CHRM3: variants seen among roughly 807,000 people sequenced by gnomAD.
The protein encoded by CHRM3 is cholinergic receptor muscarinic 3.
A neutral mutation model predicts 41.8 loss-of-function variants in CHRM3; 11 were observed. The ratio of observed to expected loss-of-function variants is 0.26; its 90% CI spans 0.17 to 0.44. The LOEUF (loss-of-function observed/expected upper bound fraction) is 0.44. Among genes scored for constraint, CHRM3 ranks in the 20% least tolerant of loss-of-function variants. The probability of loss-of-function intolerance (pLI) is 1.00; values close to 1 mark genes in which losing one functional copy is unlikely to be tolerated. For missense variants in CHRM3, 571 were observed against 745.4 expected (o/e 0.77, Z 2.72); for synonymous variants, 297 against 301.4 (o/e 0.99, Z 0.15).
chr1:239,872,390 A>G (rs1319962790), intron 6 of CHRM3, among the ~76,000 whole-genome samples: 1 of 152,234 alleles, frequency 6.6e-6, no homozygotes, highest in East Asian at 1.9e-4. Context: ...AATTATACCC[A>G]ACAGACCTGT....
chr1:239,720,725 G>A (rs1322833164), intron 5 of CHRM3, among the ~76,000 whole-genome samples: 1 of 151,880 alleles, frequency 6.6e-6, no homozygotes, highest in Non-Finnish European at 1.5e-5. Flanking sequence ...TTAACGAGAA[G>A]ACAAAGTCTT....
At chr1:239,518,516 A>G (rs894795323) in intron 2 of CHRM3, among the ~76,000 whole-genome samples, 2 of 152,234 alleles carry the variant, frequency 1.3e-5, no homozygotes, top group African/African-American at 4.8e-5. Context: ...AAATATGACC[A>G]AAGGTAGACA....
intron 2 of CHRM3, among the ~76,000 whole-genome samples, chr1:239,520,045 G>A (rs1669538469): frequency 6.6e-6 from 1 of 152,026 alleles, no homozygotes; most frequent in Non-Finnish European, 1.5e-5. Context: ...TCACTTTTCT[G>A]TCTCCTAAGG....
chr1:239,672,133 C>T (rs1484670258), intron 4 of CHRM3, among the ~76,000 whole-genome samples: 1 of 152,152 alleles, frequency 6.6e-6, no homozygotes, highest in Non-Finnish European at 1.5e-5. Context: ...GAAGTTCAGC[C>T]TGTCAGTCAG....
At chr1:239,902,379 G>A (rs1007198300) in intron 6 of CHRM3, among the ~76,000 whole-genome samples, 1 of 152,090 alleles carries the variant, frequency 6.6e-6, no homozygotes, top group African/African-American at 2.4e-5. Context: ...TACATCTCCT[G>A]GGCCAACCCA....
intron 1 of CHRM3, among the ~76,000 whole-genome samples, chr1:239,419,499 G>A (rs1363329617): frequency 1.3e-5 from 2 of 151,584 alleles, no homozygotes; most frequent in African/African-American, 2.4e-5. Context: ...GTGACAATAT[G>A]TACAATTGGA....
intron 5 of CHRM3, among the ~76,000 whole-genome samples, chr1:239,789,033 G>T (rs992863486): frequency 6.6e-6 from 1 of 152,148 alleles, no homozygotes; most frequent in East Asian, 1.9e-4. Context: ...TCCTGGTCAG[G>T]CGTCTTTTCT....
intron 4 of CHRM3, among the ~76,000 whole-genome samples, chr1:239,665,636 C>T (rs1673714095): frequency 6.6e-6 from 1 of 152,132 alleles, no homozygotes; most frequent in South Asian, 2.1e-4. Flanking sequence ...CCATCATCTA[C>T]ATTAGGTATT....
At chr1:239,871,456 G>T (rs1470233194) in intron 6 of CHRM3, among the ~76,000 whole-genome samples, 1 of 152,046 alleles carries the variant, frequency 6.6e-6, no homozygotes, top group Non-Finnish European at 1.5e-5. Flanking sequence ...TGGCCAGGAT[G>T]ATCTCGATCT....
intron 1 of CHRM3, among the ~76,000 whole-genome samples, chr1:239,455,976 G>T (rs1664902771): frequency 6.6e-6 from 1 of 152,068 alleles, no homozygotes; most frequent in Non-Finnish European, 1.5e-5. Context: ...GGAAATGGGA[G>T]GTCAGCCTCA....
intron 4 of CHRM3, among the ~76,000 whole-genome samples, chr1:239,674,934 ACTC>A (rs1657837292): frequency 1.3e-5 from 2 of 151,632 alleles, no homozygotes; most frequent in African/African-American, 4.9e-5. Flanking sequence ...GGAAATTATT[ACTC>A]CTCCTCGCTG....
At chr1:239,588,056 G>T (rs1012617926) in intron 3 of CHRM3, among the ~76,000 whole-genome samples, 2 of 152,132 alleles carry the variant, frequency 1.3e-5, no homozygotes, top group African/African-American at 4.8e-5. Flanking sequence ...CTAATTCAAA[G>T]CATGTAGCAT....
At chr1:239,736,734 G>A (rs562718938) in intron 5 of CHRM3, among the ~76,000 whole-genome samples, 1 of 152,206 alleles carries the variant, frequency 6.6e-6, no homozygotes, top group South Asian at 2.1e-4. Context: ...TTACCTTTCT[G>A]GCATTGCACT....
chr1:239,431,790 C>T (rs1374063763), intron 1 of CHRM3, among the ~76,000 whole-genome samples: 2 of 152,182 alleles, frequency 1.3e-5, no homozygotes, highest in African/African-American at 2.4e-5. Flanking sequence ...TACTAATTAA[C>T]TAAACAAACC....
chr1:239,743,415 C>G (rs1665031515), intron 5 of CHRM3, among the ~76,000 whole-genome samples: 1 of 152,162 alleles, frequency 6.6e-6, no homozygotes, highest in African/African-American at 2.4e-5. Flanking sequence ...ACAATAGATA[C>G]AGGTGGCTCA....
intron 5 of CHRM3, among the ~76,000 whole-genome samples, chr1:239,774,683 G>A (rs1009202412): frequency 1.3e-5 from 2 of 152,120 alleles, no homozygotes; most frequent in African/African-American, 4.8e-5. Flanking sequence ...TCCAAAACCT[G>A]GGGTTGCACT....
chr1:239,708,727 T>A (rs1661437448), intron 5 of CHRM3, among the ~76,000 whole-genome samples: 1 of 138,212 alleles, frequency 7.2e-6, no homozygotes. Flanking sequence ...TTCTTCTGGT[T>A]TAAATTTTCT....
intron 1 of CHRM3, among the ~76,000 whole-genome samples, chr1:239,441,779 C>A (rs1663742415): frequency 6.6e-6 from 1 of 152,186 alleles, no homozygotes; most frequent in Non-Finnish European, 1.5e-5. Flanking sequence ...AAACAAAATT[C>A]TGCTTCAAAC....
At chr1:239,869,673 T>G (rs995167281) in intron 6 of CHRM3, among the ~76,000 whole-genome samples, 2 of 152,198 alleles carry the variant, frequency 1.3e-5, no homozygotes, top group African/African-American at 4.8e-5. Context: ...CCAGAGCTTA[T>G]AATGTGTACT....
Sources: gnomAD v4.1 joint callset for allele counts (sites outside exome capture counted in the v4.1 genomes callset) on GRCh38, gnomAD v4.1.1 for gene constraint, MANE v1.5 for transcripts, NCBI Gene and HGNC (gene_info 2026-07-23, HGNC 2026-07-21) for gene names.